LDB2: variants seen among roughly 807,000 people sequenced by gnomAD.
LDB2 encodes LIM domain-binding protein 2.
LDB2 carries 12 observed loss-of-function variants against 44.3 expected under a neutral mutation model. The ratio of observed to expected loss-of-function variants is 0.27; its 90% CI spans 0.17 to 0.44. The LOEUF (loss-of-function observed/expected upper bound fraction) is 0.44, where lower values mean the gene tolerates loss of function less well. Among genes scored for constraint, LDB2 ranks in the 20% least tolerant of loss-of-function variants. LDB2 has a pLI of 1.00. For synonymous variants in LDB2, 164 were observed against 174.8 expected (o/e 0.94, Z 0.49); for missense variants, 344 against 473.5 (o/e 0.73, Z 2.54).
At chr4:16,818,353 C>T (rs1023878717) in intron 1 of LDB2, among the ~76,000 whole-genome samples, 2 of 152,164 alleles carry the variant, frequency 1.3e-5, no homozygotes, top group African/African-American at 2.4e-5. Context: ...CACAGCCCCA[C>T]TCCAGGCAGA....
At chr4:16,714,091 G>A (rs182814327) in intron 2 of LDB2, among the ~76,000 whole-genome samples, 5 of 152,300 alleles carry the variant, frequency 3.3e-5, no homozygotes, top group Admixed American at 2.6e-4. Flanking sequence ...AAAAGTCATT[G>A]GGTGGAAACT....
At chr4:16,857,308 T>A (rs999153029) in intron 1 of LDB2, among the ~76,000 whole-genome samples, 4 of 152,196 alleles carry the variant, frequency 2.6e-5, no homozygotes, top group Non-Finnish European at 2.9e-5. Context: ...TGTGGCCATC[T>A]CTACCACCTC....
intron 2 of LDB2, among the ~76,000 whole-genome samples, chr4:16,684,980 C>T (rs1222677462): frequency 6.6e-6 from 1 of 152,180 alleles, no homozygotes; most frequent in Admixed American, 6.5e-5. Context: ...AGGCGATGAG[C>T]TGCATTTGAC....
intron 2 of LDB2, among the ~76,000 whole-genome samples, chr4:16,740,813 T>A (rs1210441448): frequency 1.3e-5 from 2 of 152,250 alleles, no homozygotes; most frequent in African/African-American, 2.4e-5. Flanking sequence ...TCAGCCCTAA[T>A]AATTACTTGG....
intron 5 of LDB2, among the ~76,000 whole-genome samples, chr4:16,542,209 G>A (rs1734101933): frequency 6.6e-6 from 1 of 151,742 alleles, no homozygotes; most frequent in African/African-American, 2.4e-5. Context: ...CCAGGTTCCA[G>A]GCACTTGGGA....
Position 16,502,723 on chromosome 4 carries a change from T to A in LDB2, c.1042A>T (p.Asn348Tyr). ...EDFNNSPALG[N>Y]NSPWNSKPPA... ...GGTTTACTGTTCCACGGGCTGTTGTTCCCCAGCGCGGGTGAATTGTTGAAG... is the reference window on the plus strand; with the variant it reads ...GGTTTACTGTTCCACGGGCTGTTGTACCCCAGCGCGGGTGAATTGTTGAAG... The change falls in exon 8 of 8, where the codon AAC becomes TAC. Residue 348 changes from asparagine (N) to tyrosine (Y), a missense_variant. Physicochemically the swap from Asn to Tyr is moderately radical, Grantham distance 143 (BLOSUM62 -2). Around this residue, in one of 3 missense-constraint regions of LDB2, gnomAD observed 32 missense variants for 32.3 expected, o/e 0.99. Coordinates refer to ENST00000304523, the MANE Select transcript of LDB2 (RefSeq NM_001290.5). The A allele has an allele frequency of 6.2e-7, 1 of 1,613,964 alleles. No homozygotes were observed. Among genetic ancestry groups the A allele is most frequent in the Non-Finnish European group, 8.5e-7 (1 of 1,179,956 alleles).
At chr4:16,523,763 G>T (rs1019188920) in intron 5 of LDB2, among the ~76,000 whole-genome samples, 1 of 152,130 alleles carries the variant, frequency 6.6e-6, no homozygotes, top group Non-Finnish European at 1.5e-5. Flanking sequence ...ACAGTGTGGG[G>T]TTTCATCACG....
chr4:16,810,096 C>T (rs1333338093), intron 1 of LDB2, among the ~76,000 whole-genome samples: 1 of 152,126 alleles, frequency 6.6e-6, no homozygotes, highest in African/African-American at 2.4e-5. Flanking sequence ...CATGGAGCAG[C>T]CTTGCAGGTA....
At chr4:16,597,484 T>C (rs967691098) in intron 2 of LDB2, among the ~76,000 whole-genome samples, 111 of 152,324 alleles carry the variant, frequency 7.3e-4, no homozygotes, top group African/African-American at 2.5e-3. Context: ...AAGAAAACTT[T>C]GTAATGCTAA....
chr4:16,846,432 A>C (rs1787020130), intron 1 of LDB2, among the ~76,000 whole-genome samples: 1 of 152,124 alleles, frequency 6.6e-6, no homozygotes, highest in Non-Finnish European at 1.5e-5. Context: ...AAAAGATCAA[A>C]CTCTTTAGCA....
intron 2 of LDB2, among the ~76,000 whole-genome samples, chr4:16,669,515 C>G (rs1022037732): frequency 2.0e-5 from 3 of 152,170 alleles, no homozygotes; most frequent in Admixed American, 6.5e-5. Context: ...GGGAGTCTAC[C>G]TTTATCCTTT....
At position 16,731,075 on chromosome 4, in the gene LDB2, T is replaced by C. The variant is rs553408791; in HGVS notation, c.235+28083A>G. On this transcript the variant is annotated intron_variant, in intron 2 of 7. Transcript: ENST00000304523. Reference sequence around the variant, plus strand: ...AGAAAACAAATAAACGAACTGCTCTTGACCACCAAAAAGAATCAGACCTAG... The same window carrying C: ...AGAAAACAAATAAACGAACTGCTCTCGACCACCAAAAAGAATCAGACCTAG... Among the ~76,000 whole-genome samples, 10 of 152,242 alleles carry C rather than the reference T, an allele frequency of 6.6e-5. No homozygotes were observed. The South Asian group carries it at 2.1e-3, about 32-fold the overall frequency.
intron 1 of LDB2, among the ~76,000 whole-genome samples, chr4:16,831,174 CTTT>C (rs370309653): frequency 7.9e-5 from 10 of 126,750 alleles, no homozygotes; most frequent in Non-Finnish European, 1.1e-4. Context: ...CCTCTCTGAG[CTTT>C]TTTTTTTTTT....
In LDB2 at chr4:16,530,032, AATC is replaced by A. The variant is rs775852390; in HGVS notation, c.616-17931_616-17929del. The stretch of plus-strand genomic sequence containing the variant: ...TCCAGTAAGAAAGGCAAGAAAACAC[AATC>A]ACAAGTTCACTCTGGGCCACTACAT... On this transcript the variant is annotated intron_variant, in intron 5 of 7. Coordinates refer to ENST00000304523, the MANE Select transcript of LDB2 (RefSeq NM_001290.5). 4.9e-4 allele frequency among the ~76,000 whole-genome samples: 75 copies of A among 152,320 alleles called. 1 individual carries two copies. The highest frequency in any genetic ancestry group is 2.9e-3 in the Admixed American group (44 of 15,298).
intron 5 of LDB2, among the ~76,000 whole-genome samples, chr4:16,555,947 A>G (rs958333087): frequency 4.6e-5 from 7 of 152,186 alleles, no homozygotes; most frequent in African/African-American, 1.4e-4. Flanking sequence ...TCTTTCTGCA[A>G]TGGAACCTCT....
At chr4:16,793,212 A>G (rs1241458691) in intron 1 of LDB2, among the ~76,000 whole-genome samples, 1 of 152,162 alleles carries the variant, frequency 6.6e-6, no homozygotes. Context: ...GTTGCCTTTA[A>G]TTCAAGCTTT....
chr4:16,879,869 C>T (rs1236120951), intron 1 of LDB2, among the ~76,000 whole-genome samples: 2 of 152,152 alleles, frequency 1.3e-5, no homozygotes, highest in East Asian at 3.9e-4. Context: ...CATGAAGCCT[C>T]ATTCACACTG....
intron 2 of LDB2, among the ~76,000 whole-genome samples, chr4:16,656,134 T>C (rs1416012360): frequency 6.6e-6 from 1 of 152,134 alleles, no homozygotes; most frequent in Non-Finnish European, 1.5e-5. Flanking sequence ...TCTCCGGACC[T>C]CGTGATCCAC....
chr4:16,690,440 C>CA (rs1750350971), intron 2 of LDB2, among the ~76,000 whole-genome samples: 1 of 129,458 alleles, frequency 7.7e-6, no homozygotes, highest in African/African-American at 2.8e-5. Context: ...CCAGCCTGGG[C>CA]AACCGGAGGA....
Sources: gnomAD v4.1 joint callset for allele counts (sites outside exome capture counted in the v4.1 genomes callset) on GRCh38, gnomAD v4.1.1 for gene constraint, gnomAD v4.1.1 regional missense constraint, MANE v1.5 for transcripts, NCBI Gene and HGNC (gene_info 2026-07-23, HGNC 2026-07-21) for gene names.